MEGF9: variants seen among roughly 807,000 people sequenced by gnomAD.
The protein encoded by MEGF9 is multiple epidermal growth factor-like domains protein 9.
A neutral mutation model predicts 46.8 loss-of-function variants in MEGF9; 6 were observed. That is an observed-to-expected ratio of 0.13 (90% confidence interval 0.07 to 0.25). The LOEUF (loss-of-function observed/expected upper bound fraction) is 0.25, where lower values mean the gene tolerates loss of function less well. MEGF9 is among the 10% of genes least tolerant of loss of function. The pLI, the probability that MEGF9 is intolerant of heterozygous loss-of-function variation, is 1.00. For synonymous variants in MEGF9, 302 were observed against 330.7 expected, an observed-to-expected ratio of 0.91 and a Z score of 0.94; for missense variants, 683 against 792.4, an observed-to-expected ratio of 0.86 and a Z score of 1.66.
intron 1 of MEGF9, among the ~76,000 whole-genome samples, chr9:120,711,012 C>T (rs556965146): frequency 1.1e-4 from 16 of 152,240 alleles, no homozygotes; most frequent in Admixed American, 2.6e-4. Context: ...CCATCACAGA[C>T]GTAAGTATAA....
intron 1 of MEGF9, among the ~76,000 whole-genome samples, chr9:120,667,035 C>T (rs2043728253): frequency 3.3e-5 from 5 of 152,132 alleles, no homozygotes; most frequent in Admixed American, 3.3e-4. Context: ...AGAACTATTG[C>T]ACATCAAATG....
In MEGF9 at chr9:120,607,884, T is replaced by C. The variant is rs2043426577; in HGVS notation, c.1214A>G (p.His405Arg). 1.9e-6 allele frequency: 3 copies of C among 1,614,042 alleles called. No individual in the cohort carries two copies. Among genetic ancestry groups the C allele is most frequent in the South Asian group, 1.1e-5 (1 of 91,088 alleles). ...CTTTGGAGTTTTAACTGGGTCCACA[T>C]GGCCGTGACATTGGCACTTTCTACA... ...SICRKCQCHG[H>R]VDPVKTPKIC... The change falls in exon 5 of 6, where the codon CAT (histidine) becomes CGT (arginine). Residue 405 changes from histidine to arginine, a missense_variant. His to Arg is a conservative substitution (Grantham distance 29). Transcript: ENST00000373930.
chr9:120,613,236 C>A (rs537369114), intron 3 of MEGF9, among the ~76,000 whole-genome samples: 7 of 152,012 alleles, frequency 4.6e-5, no homozygotes, highest in African/African-American at 1.7e-4. Flanking sequence ...CCACACTAAG[C>A]GCACTAAGCA....
chr9:120,615,460 C>A (rs2043468184), intron 3 of MEGF9, among the ~76,000 whole-genome samples: 1 of 151,558 alleles, frequency 6.6e-6, no homozygotes, highest in Non-Finnish European at 1.5e-5. Flanking sequence ...GCCATTTATA[C>A]CAGAATATTT....
intron 2 of MEGF9, among the ~76,000 whole-genome samples, chr9:120,650,105 A>G (rs2043643183): frequency 6.6e-6 from 1 of 152,144 alleles, no homozygotes; most frequent in African/African-American, 2.4e-5. Context: ...TCTCTACTAA[A>G]AATACAAAAA....
chr9:120,636,804 G>A (rs961026750), intron 2 of MEGF9, among the ~76,000 whole-genome samples: 2 of 151,254 alleles, frequency 1.3e-5, no homozygotes, highest in Admixed American at 6.6e-5. Flanking sequence ...CAGCCGCCCC[G>A]TCTGGGAGGT....
intron 1 of MEGF9, among the ~76,000 whole-genome samples, chr9:120,690,489 A>G (rs2043843306): frequency 6.6e-6 from 1 of 152,184 alleles, no homozygotes; most frequent in Non-Finnish European, 1.5e-5. Flanking sequence ...TCAATGATAC[A>G]TCAGATGTAG....
chr9:120,703,380 G>C (rs903027189), intron 1 of MEGF9, among the ~76,000 whole-genome samples: 2 of 152,208 alleles, frequency 1.3e-5, no homozygotes, highest in Non-Finnish European at 2.9e-5. Context: ...CATGGAGTCT[G>C]TAAGCCTGAC....
At chr9:120,684,753 C>T (rs934643198) in intron 1 of MEGF9, among the ~76,000 whole-genome samples, 4 of 152,164 alleles carry the variant, frequency 2.6e-5, no homozygotes, top group African/African-American at 4.8e-5. Flanking sequence ...AACACATATA[C>T]GCCATGTATA....
chr9:120,685,080 C>T (rs555988166), intron 1 of MEGF9, among the ~76,000 whole-genome samples: 184 of 152,284 alleles, frequency 1.2e-3, no homozygotes, highest in African/African-American at 3.8e-3. Flanking sequence ...GTGATCCACC[C>T]GCCTGGGCCT....
At chr9:120,680,592 C>A (rs1188312042) in intron 1 of MEGF9, among the ~76,000 whole-genome samples, 1 of 152,066 alleles carries the variant, frequency 6.6e-6, no homozygotes, top group Non-Finnish European at 1.5e-5. Context: ...CACCACAGCA[C>A]TGGATCTCTC....
intron 1 of MEGF9, among the ~76,000 whole-genome samples, chr9:120,711,930 C>G (rs948994573): frequency 3.3e-5 from 5 of 151,746 alleles, no homozygotes; most frequent in Admixed American, 3.3e-4. Flanking sequence ...ACACTAGGAA[C>G]TGTTGTAAGC....
intron 3 of MEGF9, among the ~76,000 whole-genome samples, chr9:120,617,154 T>C: frequency 6.6e-6 from 1 of 152,170 alleles, no homozygotes; most frequent in Non-Finnish European, 1.5e-5. Flanking sequence ...AAAGGAATGT[T>C]TCCTGAAGAT....
intron 2 of MEGF9, among the ~76,000 whole-genome samples, chr9:120,632,701 T>C (rs1192884997): frequency 6.6e-6 from 1 of 152,200 alleles, no homozygotes. Flanking sequence ...ATTCACCTTT[T>C]CCCCACTCTG....
rs1414088678 is a variant in MEGF9, at chr9:120,648,383, CCTA to C, written c.803+10988_803+10990del. Among the ~76,000 whole-genome samples the C allele has an allele frequency of 5.9e-5, 9 of 151,854 alleles. No homozygotes were observed. The East Asian group carries it at 7.7e-4, about 13-fold the overall frequency. On this transcript the variant is annotated intron_variant, in intron 2 of 5. Transcript: ENST00000373930. Reference sequence around the variant, plus strand: ...AGACAAAAATGTCATCCTGTCATTGCCTACTTCCTTTCAACCCTTCTTCCCCAC... The same window carrying C: ...AGACAAAAATGTCATCCTGTCATTGCCTTCCTTTCAACCCTTCTTCCCCAC...
At chr9:120,622,533 G>T (rs2043504752) in intron 3 of MEGF9, 83 bp downstream of exon 3, 5 of 1,440,828 alleles carry the variant, frequency 3.5e-6, no homozygotes, top group Admixed American at 2.1e-5. Context: ...AACTATTTCA[G>T]AAGAATCAAC....
At chr9:120,624,880 A>G (rs2043517415) in intron 2 of MEGF9, among the ~76,000 whole-genome samples, 1 of 152,102 alleles carries the variant, frequency 6.6e-6, no homozygotes, top group African/African-American at 2.4e-5. Flanking sequence ...CTCAAAAAAA[A>G]AAAAAAAAAA....
intron 1 of MEGF9, among the ~76,000 whole-genome samples, chr9:120,673,391 G>A (rs1233333505): frequency 6.6e-6 from 1 of 151,936 alleles, no homozygotes; most frequent in Non-Finnish European, 1.5e-5. Flanking sequence ...CAAAGCTGGA[G>A]GACTCACAAT....
chr9:120,714,367 C>A lies in MEGF9; in HGVS notation c.-9G>T. 7.6e-7 allele frequency: 1 copy of A among 1,316,202 alleles called. No homozygotes were observed. The allele number at this position is 1,316,202 out of a possible 1,614,324, so 81.5% of individuals were successfully genotyped here. ...TCGGCTCCGCCATTCATTCATTCAG[C>A]CAGTCGGTTGGTCAGTCATCTTCTC... On this transcript the variant is annotated 5_prime_UTR_variant, in exon 1 of 6. Transcript: ENST00000373930.
Sources: gnomAD v4.1 joint callset for allele counts (sites outside exome capture counted in the v4.1 genomes callset) on GRCh38, gnomAD v4.1.1 for gene constraint, MANE v1.5 for transcripts, NCBI Gene and HGNC (gene_info 2026-07-23, HGNC 2026-07-21) for gene names.